The following RBFOX1 variants were observed in gnomAD, a reference collection of about 807,000 sequenced individuals.
RBFOX1 encodes RNA binding protein fox-1 homolog 1.
A neutral mutation model predicts 57.7 loss-of-function variants in RBFOX1; 8 were observed. The observed-to-expected ratio is 0.14, with a 90% CI of 0.08 to 0.25. The LOEUF is 0.25. RBFOX1 is among the 10% of genes least tolerant of loss of function. The pLI, the probability that RBFOX1 is intolerant of heterozygous loss-of-function variation, is 1.00. For missense variants in RBFOX1, 611 were observed against 548.5 expected (o/e 1.11, Z -1.14); for synonymous variants, 326 against 222.4 (o/e 1.47, Z -4.15).
chr16:6,474,216 T>C (rs897974432), intron 2 of RBFOX1, among the ~76,000 whole-genome samples: 3 of 152,290 alleles, frequency 2.0e-5, no homozygotes, highest in East Asian at 3.9e-4. Flanking sequence ...ATCCAGTTTT[T>C]ATTATCCAGA....
intron 14 of RBFOX1, among the ~76,000 whole-genome samples, chr16:7,705,980 C>A (rs565454415): frequency 1.3e-5 from 2 of 152,156 alleles, no homozygotes; most frequent in Non-Finnish European, 2.9e-5. Context: ...CTGGTCGTGT[C>A]CTAACATGGC....
intron 14 of RBFOX1, among the ~76,000 whole-genome samples, chr16:7,695,912 C>T (rs2078664447): frequency 6.6e-6 from 1 of 152,116 alleles, no homozygotes; most frequent in Non-Finnish European, 1.5e-5. Context: ...GCTATTGTCA[C>T]ATTGATGCCC....
At chr16:7,158,764 T>G (rs1248147890) in intron 4 of RBFOX1, among the ~76,000 whole-genome samples, 3 of 152,104 alleles carry the variant, frequency 2.0e-5, no homozygotes, top group Admixed American at 2.0e-4. Context: ...TGTGCATGTC[T>G]GTGAGTAGTG....
chr16:7,582,611 G>C (rs559101224), intron 6 of RBFOX1, among the ~76,000 whole-genome samples: 1 of 152,290 alleles, frequency 6.6e-6, no homozygotes, highest in African/African-American at 2.4e-5. Context: ...CTGGAGCTTA[G>C]GGAATTTAGG....
chr16:6,569,314 A>G (rs184772503), intron 2 of RBFOX1, among the ~76,000 whole-genome samples: 42 of 152,354 alleles, frequency 2.8e-4, no homozygotes, highest in African/African-American at 7.9e-4. Flanking sequence ...TCATTGCTGT[A>G]GAATAGGATC....
At chr16:7,575,423 G>A (rs748866716) in intron 5 of RBFOX1, among the ~76,000 whole-genome samples, 31 of 152,220 alleles carry the variant, frequency 2.0e-4, no homozygotes, top group African/African-American at 6.3e-4. Flanking sequence ...GTAAGCCACC[G>A]CACCCGACCC....
In RBFOX1 at chr16:5,354,026, A is replaced by G. The variant is rs144430486; in HGVS notation, c.220-113190A>G. 5.3e-5 allele frequency among the ~76,000 whole-genome samples: 8 copies of G among 152,076 alleles called. No individual in the cohort carries two copies. The East Asian group carries it at 1.4e-3, about 26-fold the overall frequency. On this transcript the variant is annotated intron_variant, in intron 1 of 2. Transcript: ENST00000585867. ...GGGATGACTTACCAGAGGAGGAGAC[A>G]TTTGGAATACTTACAATTCCTTTCC...
intron 2 of RBFOX1, among the ~76,000 whole-genome samples, chr16:5,529,907 A>G (rs916121246): frequency 1.3e-5 from 2 of 152,130 alleles, no homozygotes; most frequent in Non-Finnish European, 1.5e-5. Flanking sequence ...ACACAGGGAG[A>G]GAACACCAGT....
At chr16:7,122,892 G>T (rs1465741549) in intron 4 of RBFOX1, among the ~76,000 whole-genome samples, 2 of 152,166 alleles carry the variant, frequency 1.3e-5, no homozygotes, top group African/African-American at 4.8e-5. Flanking sequence ...ATTGATATAT[G>T]TGACAACTTG....
chr16:6,899,206 T>C (rs572021464), intron 3 of RBFOX1, among the ~76,000 whole-genome samples: 1 of 148,258 alleles, frequency 6.7e-6, no homozygotes, highest in East Asian at 2.0e-4. Flanking sequence ...CATATGTGTG[T>C]ATATGTGTGT....
chr16:5,473,053 G>C (rs1691229365), intron 2 of RBFOX1, among the ~76,000 whole-genome samples: 1 of 152,204 alleles, frequency 6.6e-6, no homozygotes, highest in Non-Finnish European at 1.5e-5. Context: ...GGCTCTCAGA[G>C]CTGATGTCCC....
At chr16:6,315,139 A>C (rs1426725900) in intron 1 of RBFOX1, among the ~76,000 whole-genome samples, 9 of 152,250 alleles carry the variant, frequency 5.9e-5, no homozygotes, top group Non-Finnish European at 1.2e-4. Context: ...ATTCACCTGA[A>C]TTCCTTGAGG....
chr16:6,979,159 T>C (rs7200189), intron 3 of RBFOX1, among the ~76,000 whole-genome samples: 2,845 of 152,334 alleles, frequency 0.019, 99 homozygotes, highest in African/African-American at 0.064. Flanking sequence ...ATCTTAGTTC[T>C]AGTGTTGATA....
At chr16:7,122,285 C>G (rs1356229301) in intron 4 of RBFOX1, among the ~76,000 whole-genome samples, 5 of 151,926 alleles carry the variant, frequency 3.3e-5, no homozygotes, top group Admixed American at 2.0e-4. Context: ...ATATTTTGAA[C>G]TCTCAAAACA....
At chr16:7,042,958 A>C (rs1340458932) in intron 3 of RBFOX1, among the ~76,000 whole-genome samples, 1 of 152,202 alleles carries the variant, frequency 6.6e-6, no homozygotes, top group African/African-American at 2.4e-5. Context: ...TGATTAAAAC[A>C]ATTACTTTCC....
chr16:5,528,251 G>A (rs894921020), intron 2 of RBFOX1, among the ~76,000 whole-genome samples: 8 of 152,228 alleles, frequency 5.3e-5, no homozygotes, highest in East Asian at 3.9e-4. Flanking sequence ...CTGAAGCTAC[G>A]GTGCCTATCA....
At chr16:5,969,004 T>C (rs190066439) in intron 4 of RBFOX1, among the ~76,000 whole-genome samples, 12 of 152,210 alleles carry the variant, frequency 7.9e-5, no homozygotes, top group Admixed American at 7.8e-4. Context: ...TGCCCTTAGG[T>C]TTTTCTAGTT....
chr16:7,457,630 T>C (rs1398004489), intron 4 of RBFOX1, among the ~76,000 whole-genome samples: 5 of 152,180 alleles, frequency 3.3e-5, no homozygotes, highest in African/African-American at 9.6e-5. Context: ...TGAAGTGTTT[T>C]AAATCACAGG....
chr16:5,309,400 A>G (rs762858065), intron 1 of RBFOX1, among the ~76,000 whole-genome samples: 4 of 152,312 alleles, frequency 2.6e-5, no homozygotes, highest in African/African-American at 7.2e-5. Flanking sequence ...CTTAGTGGTT[A>G]TATGCCACAG....
Sources: gnomAD v4.1 joint callset for allele counts (sites outside exome capture counted in the v4.1 genomes callset) on GRCh38, gnomAD v4.1.1 for gene constraint, MANE v1.5 for transcripts, NCBI Gene and HGNC (gene_info 2026-07-23, HGNC 2026-07-21) for gene names.